Variants in SCN3A observed in about 807,000 individuals in gnomAD.
The protein encoded by SCN3A is sodium channel protein type 3 subunit alpha.
A neutral mutation model predicts 187.6 loss-of-function variants in SCN3A; 60 were observed. That is an observed-to-expected ratio of 0.32 (90% CI 0.26 to 0.40). The LOEUF (loss-of-function observed/expected upper bound fraction) is 0.40, where lower values mean the gene tolerates loss of function less well. Ranked by LOEUF, SCN3A falls within the 10% of genes least tolerant of loss-of-function variation. The probability of loss-of-function intolerance (pLI) is 1.00; values close to 1 mark genes in which losing one functional copy is unlikely to be tolerated. For synonymous variants in SCN3A, 788 were observed against 829.2 expected (o/e 0.95, Z 0.85); for missense variants, 1,601 against 2,428.2 (o/e 0.66, Z 7.16).
At chr2:165,138,308 G>A (rs752933063) in intron 14 of SCN3A, among the ~76,000 whole-genome samples, 191 bp from the exon 15 acceptor site, 3 of 152,114 alleles carry the variant, frequency 2.0e-5, no homozygotes, top group African/African-American at 4.8e-5. Context: ...CATATAGATC[G>A]ACTTTTTTCT....
At chr2:165,155,642 A>G in intron 10 of SCN3A, 120 bp downstream of exon 10, 1 of 1,095,522 alleles carries the variant, frequency 9.1e-7, no homozygotes, top group Non-Finnish European at 1.4e-6. Flanking sequence ...CAAGTGATCC[A>G]TCCGCCTCTG....
chr2:165,091,379 A>G (rs1685098344), intron 27 of SCN3A, 34 bp from the exon 28 acceptor site: 2 of 1,612,554 alleles, frequency 1.2e-6, no homozygotes, highest in South Asian at 2.2e-5. Flanking sequence ...TAAACAGATA[A>G]TATCTTTCAC....
chr2:165,157,398 A>G (rs2105873861), intron 9 of SCN3A, among the ~76,000 whole-genome samples: 1 of 152,168 alleles, frequency 6.6e-6, no homozygotes, highest in East Asian at 1.9e-4. Context: ...TTCAATTGGG[A>G]TTTGTCTAAT....
intron 1 of SCN3A, among the ~76,000 whole-genome samples, chr2:165,198,180 A>AG (rs1317014744): frequency 6.6e-6 from 1 of 151,940 alleles, no homozygotes; most frequent in Non-Finnish European, 1.5e-5. Context: ...AAATAGCAAT[A>AG]GAAAAAAAAG....
chr2:165,185,237 A>T (rs1008643040), intron 2 of SCN3A, among the ~76,000 whole-genome samples: 1 of 152,238 alleles, frequency 6.6e-6, no homozygotes, highest in African/African-American at 2.4e-5. Context: ...TCAACATTTT[A>T]AAGGACAAAT....
intron 17 of SCN3A, among the ~76,000 whole-genome samples, chr2:165,128,608 A>G (rs1339470041): frequency 6.6e-6 from 1 of 152,224 alleles, no homozygotes; most frequent in African/African-American, 2.4e-5. Flanking sequence ...CCTTTGGCCC[A>G]ATGGCCACAA....
chr2:165,112,831 G>C (rs1171157939), intron 21 of SCN3A, 54 bp downstream of exon 21: 1 of 1,477,068 alleles, frequency 6.8e-7, no homozygotes, highest in Non-Finnish European at 9.4e-7. Flanking sequence ...CATATGAAAT[G>C]TCAAACTTGC....
intron 22 of SCN3A, among the ~76,000 whole-genome samples, chr2:165,098,682 G>T (rs1685469675): frequency 1.3e-5 from 2 of 152,128 alleles, no homozygotes; most frequent in African/African-American, 4.8e-5. Context: ...ACAAAATAAG[G>T]CGGGTTGGAC....
chr2:165,164,487 T>C lies in SCN3A; in HGVS notation c.507A>G (p.Ser169=), dbSNP rs150453440. 3.0e-5 allele frequency: 49 copies of C among 1,613,756 alleles called. No homozygotes were observed. In the African/African-American group the frequency reaches 5.3e-4, roughly 18 times the overall value. Residue 169 remains serine (S), a synonymous_variant, in exon 6 of 28, where the codon TCA becomes TCG. Transcript: ENST00000283254. ...YTFTGIYTFE[S]LIKILARGFC... ...ACCCTCTTGCCAAGATTTTTATAAG[T>C]GACTCAAAGGTATAGATTCCAGTGA... is the stretch of plus-strand genomic sequence containing the variant.
intron 5 of SCN3A, among the ~76,000 whole-genome samples, chr2:165,164,722 T>G (rs1343620514): frequency 6.6e-6 from 1 of 152,140 alleles, no homozygotes; most frequent in Non-Finnish European, 1.5e-5. Context: ...AAATATATTC[T>G]TTAGGAATCT....
chr2:165,177,338 C>A (rs1345500522), intron 2 of SCN3A, among the ~76,000 whole-genome samples: 1 of 152,102 alleles, frequency 6.6e-6, no homozygotes, highest in African/African-American at 2.4e-5. Flanking sequence ...GACAAAGTAA[C>A]CCCTTATTGC....
rs569766047 is a variant in SCN3A at position 165,202,148 on chromosome 2, G to T, written c.-248+1675C>A. Among the ~76,000 whole-genome samples, 6 of 152,126 alleles carry T rather than the reference G, an allele frequency of 3.9e-5. No homozygotes were observed. The South Asian group carries it at 1.2e-3, about 31-fold the overall frequency. On this transcript the variant is annotated intron_variant, in intron 1 of 27. Transcript: ENST00000283254. Reference sequence around the variant, plus strand: ...AAGAGTAAGTTATTCAAATGTGTTTGATATATCATTTAATCAAAGCAGGTT... The same window carrying T: ...AAGAGTAAGTTATTCAAATGTGTTTTATATATCATTTAATCAAAGCAGGTT...
Position 165,140,090 on chromosome 2 carries a change from C to G in SCN3A, c.2020-482G>C, listed in dbSNP as rs1687912299. On this transcript the variant is annotated intron_variant, in intron 13 of 27. Transcript: ENST00000283254. The surrounding 1 kb of genome is among the most constrained non-coding windows in gnomAD (Gnocchi z 4.2). ...GGCCAATTTTTTCCATGCACAAACA[C>G]AGATGTACGATGAAATGTGTGTGCT... 6.6e-6 allele frequency among the ~76,000 whole-genome samples: 1 copy of G among 152,102 alleles called. No individual in the cohort carries two copies. Among genetic ancestry groups the G allele is most frequent in the African/African-American group, 2.4e-5 (1 of 41,414 alleles).
At chr2:165,097,668 A>G (rs1574102307) in intron 22 of SCN3A, 144 bp from the exon 23 acceptor site, 7 of 1,060,232 alleles carry the variant, frequency 6.6e-6, no homozygotes, top group Non-Finnish European at 9.7e-6. Flanking sequence ...TAATTTTTCT[A>G]GCACATATTT....
chr2:165,172,715 G>A (rs1254193931), intron 3 of SCN3A, among the ~76,000 whole-genome samples: 1 of 152,120 alleles, frequency 6.6e-6, no homozygotes, highest in Non-Finnish European at 1.5e-5. Flanking sequence ...TTTGAACATG[G>A]AACCCTTTGC....
Position 165,131,235 on chromosome 2 carries a change from A to G in SCN3A, c.2565+9T>C. 1 of 1,565,286 alleles carries G rather than the reference A, an allele frequency of 6.4e-7. No homozygotes were observed. The highest frequency in any genetic ancestry group is 8.7e-7 in the Non-Finnish European group (1 of 1,150,730). On this transcript the variant is annotated intron_variant, in intron 16 of 27. Transcript: ENST00000283254. ...CCAATGAGCGACAGGGATATATATAAATAGATACCAGTCTGAATGATCGCA... is the reference window on the plus strand; with the variant it reads ...CCAATGAGCGACAGGGATATATATAGATAGATACCAGTCTGAATGATCGCA...
rs1060500006 is a variant in SCN3A at position 165,127,792 on chromosome 2, T to C, written c.3232A>G (p.Ser1078Gly). Residue 1078 changes from serine to glycine, a missense_variant, in exon 18 of 28, where the codon AGC becomes GGC. Around this residue, in one of 11 missense-constraint regions of SCN3A, gnomAD observed 267 missense variants for 313.2 expected, o/e 0.85. Coordinates refer to ENST00000283254, the MANE Select transcript of SCN3A (RefSeq NM_006922.4). ...NGTTSGVGTGSSVEKYVIDEN... is the reference protein window; with the variant it reads ...NGTTSGVGTGGSVEKYVIDEN... ...TCGATTACGTATTTTTCAACACTGC[T>C]TCCAGTACCTACACCACTGGTGGTT... The C allele has an allele frequency of 6.2e-7, 1 of 1,614,196 alleles. No homozygotes were observed. Among genetic ancestry groups the C allele is most frequent in the Admixed American group, 1.7e-5 (1 of 60,030 alleles).
At chr2:165,104,128 T>C (rs1297574229) in intron 21 of SCN3A, among the ~76,000 whole-genome samples, 2 of 152,002 alleles carry the variant, frequency 1.3e-5, no homozygotes, top group Non-Finnish European at 2.9e-5. Flanking sequence ...AAAAAGTTTG[T>C]GTAGGAGTCT....
At chr2:165,100,504 A>T in intron 21 of SCN3A, 80 bp from the exon 22 acceptor site, 1 of 1,424,572 alleles carries the variant, frequency 7.0e-7, no homozygotes, top group East Asian at 2.4e-5. Context: ...TATCTATTTA[A>T]TGCAGACTAA....
Sources: gnomAD v4.1 joint callset for allele counts (sites outside exome capture counted in the v4.1 genomes callset) on GRCh38, gnomAD v4.1.1 for gene constraint, gnomAD v4.1.1 regional missense constraint, Gnocchi (gnomAD v3.1) non-coding constraint, MANE v1.5 for transcripts, NCBI Gene and HGNC (gene_info 2026-07-23, HGNC 2026-07-21) for gene names.